The following IQCM variants were observed in gnomAD, a reference collection of about 807,000 sequenced individuals.
IQCM encodes the protein IQ motif containing M.
In IQCM, 45 loss-of-function variants were observed where a neutral mutation model predicts 57.6. The observed-to-expected ratio is 0.78, with a 90% CI of 0.62 to 1.00. IQCM has a LOEUF of 1.00. IQCM is among the 50% of genes least tolerant of loss of function. The probability of loss-of-function intolerance (pLI) is 0.00; values close to 1 mark genes in which losing one functional copy is unlikely to be tolerated. For synonymous variants in IQCM, 148 were observed against 158.9 expected, an observed-to-expected ratio of 0.93 and a Z score of 0.51; for missense variants, 468 against 511.6, an observed-to-expected ratio of 0.91 and a Z score of 0.82.
chr4:149,542,707 A>AC (rs1747976875), intron 12 of IQCM, among the ~76,000 whole-genome samples: 1 of 152,242 alleles, frequency 6.6e-6, no homozygotes, highest in East Asian at 1.9e-4. Context: ...ATATTTAAAC[A>AC]TTTTCAAAAT....
intron 13 of IQCM, among the ~76,000 whole-genome samples, chr4:149,407,717 T>C (rs1733085441): frequency 6.6e-6 from 1 of 152,152 alleles, no homozygotes; most frequent in Non-Finnish European, 1.5e-5. Flanking sequence ...TGCAATAATC[T>C]TTGGATGATG....
At chr4:149,517,632 T>C (rs1745117053) in intron 12 of IQCM, among the ~76,000 whole-genome samples, 1 of 152,166 alleles carries the variant, frequency 6.6e-6, no homozygotes, top group Admixed American at 6.5e-5. Context: ...TTGGCATGTC[T>C]GAAGGTATTG....
intron 2 of IQCM, among the ~76,000 whole-genome samples, chr4:149,794,972 T>A (rs1040255971): frequency 1.3e-5 from 2 of 152,094 alleles, no homozygotes; most frequent in African/African-American, 4.8e-5. Context: ...TTTTAAGACA[T>A]CTATTATAAT....
chr4:149,429,607 TGATA>T (rs766557743), intron 13 of IQCM, among the ~76,000 whole-genome samples: 2 of 151,950 alleles, frequency 1.3e-5, no homozygotes, highest in Non-Finnish European at 2.9e-5. Context: ...TTCTTGCTGT[TGATA>T]GATCTCTGAA....
intron 9 of IQCM, among the ~76,000 whole-genome samples, chr4:149,568,099 G>A (rs1178051892): frequency 2.0e-5 from 3 of 152,206 alleles, no homozygotes; most frequent in African/African-American, 7.2e-5. Flanking sequence ...CTGCTCTTTG[G>A]AGCTCAATGA....
chr4:149,376,781 T>C (rs1578848260), intron 13 of IQCM, among the ~76,000 whole-genome samples: 1 of 152,312 alleles, frequency 6.6e-6, no homozygotes, highest in African/African-American at 2.4e-5. Flanking sequence ...TTAACTTTTA[T>C]CTAATTGAGT....
In IQCM at chr4:149,760,127, G is replaced by A. The variant is rs115990931; in HGVS notation, c.-48-17388C>T. On this transcript the variant is annotated intron_variant, in intron 2 of 13. Transcript: ENST00000636793. Reference sequence around the variant, plus strand: ...TCTAGATTTTGTTAGGGTACTGGGTGGACAAAATAGGCCCAGTTAAAGGAC... The same window carrying A: ...TCTAGATTTTGTTAGGGTACTGGGTAGACAAAATAGGCCCAGTTAAAGGAC... Among the ~76,000 whole-genome samples, 351 of 151,948 alleles carry A rather than the reference G, an allele frequency of 2.3e-3. 1 individual carries two copies. The highest frequency in any genetic ancestry group is 8.1e-3 in the African/African-American group (338 of 41,486).
At chr4:149,574,113 T>C (rs1751418494) in intron 9 of IQCM, among the ~76,000 whole-genome samples, 1 of 151,950 alleles carries the variant, frequency 6.6e-6, no homozygotes, top group Admixed American at 6.6e-5. Flanking sequence ...ATTCTTTATA[T>C]AAGAATGAGT....
intron 13 of IQCM, among the ~76,000 whole-genome samples, chr4:149,402,947 C>T (rs1732721692): frequency 6.6e-6 from 1 of 151,848 alleles, no homozygotes; most frequent in South Asian, 2.1e-4. Context: ...AACTCTATCA[C>T]ATGTTATTTC....
chr4:149,687,410 AAATAC>A (rs1762624481), intron 5 of IQCM, among the ~76,000 whole-genome samples: 1 of 151,572 alleles, frequency 6.6e-6, no homozygotes, highest in South Asian at 2.1e-4. Context: ...AAAAATTTAA[AAATAC>A]AATACAATAA....
chr4:149,671,394 G>C (rs1006432261), intron 7 of IQCM, among the ~76,000 whole-genome samples: 1 of 152,234 alleles, frequency 6.6e-6, no homozygotes, highest in Non-Finnish European at 1.5e-5. Flanking sequence ...CTTGCTAGCT[G>C]TCTATCAATT....
chr4:149,442,953 C>CAGAGAGAG (rs56890715), intron 12 of IQCM, among the ~76,000 whole-genome samples: 11 of 98,002 alleles, frequency 1.1e-4, no homozygotes, highest in African/African-American at 2.6e-4. Context: ...CACACACACA[C>CAGAGAGAG]AGAGAGAGAG....
At chr4:149,451,192 G>A (rs887447208) in intron 12 of IQCM, among the ~76,000 whole-genome samples, 4 of 151,652 alleles carry the variant, frequency 2.6e-5, no homozygotes, top group Non-Finnish European at 5.9e-5. Flanking sequence ...GGCTGCGAAG[G>A]GAAGGGAAGG....
At chr4:149,626,430 A>AATCCATT (rs368164851) in intron 7 of IQCM, among the ~76,000 whole-genome samples, 1 of 141,298 alleles carries the variant, frequency 7.1e-6, no homozygotes. Context: ...AAGACATACT[A>AATCCATT]TTTTGCTATC....
At chr4:149,584,129 T>TA (rs1337402502) in intron 9 of IQCM, among the ~76,000 whole-genome samples, 8 of 151,490 alleles carry the variant, frequency 5.3e-5, no homozygotes, top group African/African-American at 1.7e-4. Context: ...ATATTTTATT[T>TA]AAAAAACAGA....
intron 10 of IQCM, among the ~76,000 whole-genome samples, chr4:149,560,710 C>A (rs574771542): frequency 6.6e-6 from 1 of 152,102 alleles, no homozygotes; most frequent in East Asian, 1.9e-4. Context: ...TCACTATTTC[C>A]AAAGAATTTC....
intron 2 of IQCM, among the ~76,000 whole-genome samples, chr4:149,755,450 C>T (rs1451986492): frequency 2.6e-5 from 4 of 152,120 alleles, no homozygotes; most frequent in African/African-American, 7.2e-5. Context: ...ACCAGGATTG[C>T]CCCCACCTGA....
chr4:149,808,575 G>A (rs1256533878), intron 2 of IQCM, among the ~76,000 whole-genome samples: 1 of 152,004 alleles, frequency 6.6e-6, no homozygotes, highest in Admixed American at 6.6e-5. Context: ...ACACAAAAAG[G>A]TAGATGTTTG....
At chr4:149,477,080 G>A (rs150270714) in intron 12 of IQCM, among the ~76,000 whole-genome samples, 112 of 152,150 alleles carry the variant, frequency 7.4e-4, no homozygotes, top group Non-Finnish European at 1.4e-3. Flanking sequence ...ACACCCCAAA[G>A]ATAAGAAATT....
Sources: allele counts gnomAD v4.1 joint callset (sites outside exome capture counted in the v4.1 genomes callset), GRCh38; gene constraint gnomAD v4.1.1; transcripts MANE v1.5; gene names NCBI Gene and HGNC (gene_info 2026-07-23, HGNC 2026-07-21).